The following PLCB4 variants were observed in gnomAD, a reference collection of about 807,000 sequenced individuals.
PLCB4 encodes 1-phosphatidylinositol 4,5-bisphosphate phosphodiesterase beta-4.
PLCB4 carries 77 observed loss-of-function variants against 178.8 expected under a neutral mutation model. That is an observed-to-expected ratio of 0.43 (90% CI 0.36 to 0.52). The LOEUF (loss-of-function observed/expected upper bound fraction) is 0.52, where lower values mean the gene tolerates loss of function less well. Among genes scored for constraint, PLCB4 ranks in the 20% least tolerant of loss-of-function variants. PLCB4 has a pLI of 0.00. For synonymous variants in PLCB4, 496 were observed against 490.8 expected, an observed-to-expected ratio of 1.01 and a Z score of -0.14; for missense variants, 1,024 against 1,453.4, an observed-to-expected ratio of 0.70 and a Z score of 4.80.
At chr20:9,424,987 A>G (rs145531359) in intron 28 of PLCB4, among the ~76,000 whole-genome samples, 293 of 152,256 alleles carry the variant, frequency 1.9e-3, no homozygotes, top group Middle Eastern at 0.01. Context: ...AAAATAAGCC[A>G]TGAGGATTTT....
At chr20:9,092,671 C>T (rs1461152865) in intron 1 of PLCB4, among the ~76,000 whole-genome samples, 4 of 152,146 alleles carry the variant, frequency 2.6e-5, no homozygotes, top group African/African-American at 9.7e-5. Context: ...GCATTTTGGG[C>T]AGATGTGGCA....
At chr20:9,151,550 C>T (rs1264163614) in intron 2 of PLCB4, among the ~76,000 whole-genome samples, 2 of 152,160 alleles carry the variant, frequency 1.3e-5, no homozygotes, top group African/African-American at 4.8e-5. Flanking sequence ...GCTTCTTCCT[C>T]ATTTTCTCTT....
At chr20:9,142,201 T>C (rs532472995) in intron 2 of PLCB4, among the ~76,000 whole-genome samples, 2 of 152,056 alleles carry the variant, frequency 1.3e-5, no homozygotes, top group African/African-American at 4.8e-5. Flanking sequence ...ACAAGGGTGG[T>C]GATAGAAATT....
chr20:9,473,322 T>A lies in PLCB4; in HGVS notation c.3452T>A (p.Val1151Asp). Residue 1151 changes from valine (V) to aspartate (D), a missense_variant, in exon 38 of 40, where the codon GTC becomes GAC. Physicochemically the swap from Val to Asp is radical, Grantham distance 152. This residue lies in a region of PLCB4 where 264 missense variants were observed against 283.2 expected (regional missense o/e 0.93). Coordinates refer to ENST00000378473, the MANE Select transcript of PLCB4 (RefSeq NM_001377142.1). ...AAAGAAATGGATCAGTTGAAAAAAG[T>A]CCAGCTTGAACATCTAGAATTCCTA... ...QSKEMDQLKK[V>D]QLEHLEFLEK... 6.2e-7 allele frequency: 1 copy of A among 1,600,196 alleles called. No individual in the cohort carries two copies. The highest frequency in any genetic ancestry group is 8.5e-7 in the Non-Finnish European group (1 of 1,171,972).
Position 9,469,819 on chromosome 20 carries a change from T to C in PLCB4, c.3350+1147T>C, listed in dbSNP as rs559409328. Among the ~76,000 whole-genome samples, 44 of 152,234 alleles carry C rather than the reference T, an allele frequency of 2.9e-4. No individual in the cohort carries two copies. The East Asian group carries it at 7.3e-3, about 25-fold the overall frequency. On this transcript the variant is annotated intron_variant, in intron 36 of 39. Transcript: ENST00000378473. The stretch of plus-strand genomic sequence containing the variant: ...TGAAGGGGATCTGAGGAGCTGTCAA[T>C]AGTCATGTTACCCAAGGGATAGGCA...
At chr20:9,299,393 G>A (rs1390249085) in intron 3 of PLCB4, among the ~76,000 whole-genome samples, 2 of 151,950 alleles carry the variant, frequency 1.3e-5, no homozygotes, top group East Asian at 3.9e-4. Context: ...AATTACATCA[G>A]CTAGCTGTAA....
At chr20:9,229,242 A>T (rs2093904028) in intron 3 of PLCB4, among the ~76,000 whole-genome samples, 2 of 152,114 alleles carry the variant, frequency 1.3e-5, no homozygotes, top group African/African-American at 4.8e-5. Context: ...TTATTTCCCT[A>T]CGGGCGTGGA....
At chr20:9,413,517 G>A (rs969899106) in intron 25 of PLCB4, among the ~76,000 whole-genome samples, 4 of 151,896 alleles carry the variant, frequency 2.6e-5, no homozygotes, top group Admixed American at 1.3e-4. Flanking sequence ...AAATTAGCCG[G>A]GCGTGGTGGC....
At chr20:9,231,858 CA>C (rs1454909368) in intron 3 of PLCB4, among the ~76,000 whole-genome samples, 7 of 152,100 alleles carry the variant, frequency 4.6e-5, no homozygotes, top group Non-Finnish European at 7.4e-5. Flanking sequence ...AACGTATGTT[CA>C]TAGCAGCTTT....
chr20:9,325,843 G>A lies in PLCB4; in HGVS notation c.85-11283G>A, dbSNP rs2147991359. On this transcript the variant is annotated intron_variant, in intron 4 of 39. Coordinates refer to ENST00000378473, the MANE Select transcript of PLCB4 (RefSeq NM_001377142.1). ...GATATTTCTGAGACCTTGTATCTAA[G>A]TTCTTTCAGGCTGCTATAACAAAAT... is the stretch of plus-strand genomic sequence containing the variant. 1.3e-5 allele frequency among the ~76,000 whole-genome samples: 2 copies of A among 152,292 alleles called. 1 individual carries two copies. Among genetic ancestry groups the A allele is most frequent in the South Asian group, 4.2e-4 (2 of 4,814 alleles).
chr20:9,210,689 C>G (rs1330698262), intron 2 of PLCB4, among the ~76,000 whole-genome samples: 1 of 152,120 alleles, frequency 6.6e-6, no homozygotes, highest in African/African-American at 2.4e-5. Flanking sequence ...ATAACCGGCT[C>G]AAACTCTAAA....
rs1357915271 is a variant in PLCB4, at chr20:9,473,475, TAGA to T, written c.3495+115_3495+117del. On this transcript the variant is annotated intron_variant, in intron 38 of 39. Transcript: ENST00000378473. ...TTGCATATTGTAATTGAAAGGTAGATAGAAGAATTTGTTGCCCATTACTATATT... is the reference window on the plus strand; with the variant it reads ...TTGCATATTGTAATTGAAAGGTAGATAGAATTTGTTGCCCATTACTATATT... 1.2e-5 allele frequency: 6 copies of T among 519,096 alleles called. No homozygotes were observed. In the African/African-American group the frequency reaches 1.2e-4, roughly 10 times the overall value. The allele number at this position is 519,096 out of a possible 1,614,324, so 32.2% of individuals were successfully genotyped here. A position where few individuals can be genotyped will look rare whatever the true frequency, so the allele number is the denominator to read the frequency against.
At chr20:9,406,799 A>G (rs1034349482) in intron 21 of PLCB4, among the ~76,000 whole-genome samples, 5 of 152,124 alleles carry the variant, frequency 3.3e-5, no homozygotes, top group African/African-American at 1.2e-4. Flanking sequence ...CCAGCATCTG[A>G]CCATTTTTTA....
intron 21 of PLCB4, 135 bp downstream of exon 21, chr20:9,405,483 A>G (rs781469050): frequency 5.8e-5 from 32 of 550,802 alleles, no homozygotes; most frequent in Middle Eastern, 3.4e-4. Flanking sequence ...GATGAGTAAG[A>G]TGATTTTCTA....
At chr20:9,297,161 C>G (rs551483218) in intron 3 of PLCB4, among the ~76,000 whole-genome samples, 32 of 152,004 alleles carry the variant, frequency 2.1e-4, no homozygotes, top group Middle Eastern at 6.8e-3. Flanking sequence ...GCCCGCACCC[C>G]CCCCCACACC....
At chr20:9,142,574 T>C (rs1287025713) in intron 2 of PLCB4, among the ~76,000 whole-genome samples, 1 of 152,144 alleles carries the variant, frequency 6.6e-6, no homozygotes, top group Non-Finnish European at 1.5e-5. Context: ...GTCCCATATC[T>C]TCAGATACTG....
intron 2 of PLCB4, among the ~76,000 whole-genome samples, chr20:9,166,978 A>G (rs146593981): frequency 1.3e-5 from 2 of 152,298 alleles, no homozygotes; most frequent in African/African-American, 2.4e-5. Flanking sequence ...CCAACAAAGT[A>G]TATTAGACAC....
At chr20:9,398,837 C>G (rs1024527324) in intron 19 of PLCB4, among the ~76,000 whole-genome samples, 1 of 152,084 alleles carries the variant, frequency 6.6e-6, no homozygotes, top group African/African-American at 2.4e-5. Flanking sequence ...AGGACTGAAG[C>G]TTAGAGAGGT....
chr20:9,377,139 A>C (rs781352272), intron 12 of PLCB4, among the ~76,000 whole-genome samples: 1 of 152,172 alleles, frequency 6.6e-6, no homozygotes, highest in Non-Finnish European at 1.5e-5. Flanking sequence ...TTGAAGCCAG[A>C]CGATGCCTCT....
Sources: gnomAD v4.1 joint callset for allele counts (sites outside exome capture counted in the v4.1 genomes callset) on GRCh38, gnomAD v4.1.1 for gene constraint, gnomAD v4.1.1 regional missense constraint, MANE v1.5 for transcripts, NCBI Gene and HGNC (gene_info 2026-07-23, HGNC 2026-07-21) for gene names.